The following PDE8B variants were observed in gnomAD, a reference collection of about 807,000 sequenced individuals.
PDE8B encodes phosphodiesterase 8B.
PDE8B carries 26 observed loss-of-function variants against 101.3 expected under a neutral mutation model. The observed-to-expected ratio is 0.26, with a 90% CI of 0.19 to 0.36. The LOEUF is 0.36. Among genes scored for constraint, PDE8B ranks in the 10% least tolerant of loss-of-function variants. The pLI, the probability that PDE8B is intolerant of heterozygous loss-of-function variation, is 1.00. For missense variants in PDE8B, 810 were observed against 1,163.1 expected, an observed-to-expected ratio of 0.70 and a Z score of 4.42; for synonymous variants, 424 against 429.3, an observed-to-expected ratio of 0.99 and a Z score of 0.15.
the PDE8B span, among the ~76,000 whole-genome samples, chr5:77,193,490 C>A: frequency 1.3e-5 from 2 of 152,114 alleles, no homozygotes; most frequent in Non-Finnish European, 1.5e-5. Flanking sequence ...ACCCTATATG[C>A]GTGGGTCTGT....
chr5:77,233,680 G>GTGTT (rs1174228136), intron 1 of PDE8B, among the ~76,000 whole-genome samples: 3 of 151,348 alleles, frequency 2.0e-5, no homozygotes, highest in African/African-American at 7.3e-5. Flanking sequence ...GTGTGTGTGT[G>GTGTT]TGTGTGTGTG....
At chr5:77,104,199 A>G in the PDE8B span, among the ~76,000 whole-genome samples, 1 of 152,182 alleles carries the variant, frequency 6.6e-6, no homozygotes. Flanking sequence ...TGTGGGGCCT[A>G]TCGCTCTTCC....
At chr5:77,111,187 T>C in the PDE8B span, among the ~76,000 whole-genome samples, 1 of 152,224 alleles carries the variant, frequency 6.6e-6, no homozygotes, top group Non-Finnish European at 1.5e-5. Flanking sequence ...CAGGTGAAGA[T>C]GACAGCTTAG....
Position 77,411,794 on chromosome 5 carries a change from G to A in PDE8B, c.1576+73G>A, listed in dbSNP as rs138801782. On this transcript the variant is annotated intron_variant, in intron 15 of 21. Coordinates refer to ENST00000264917, the MANE Select transcript of PDE8B (RefSeq NM_003719.5). ...TGCTGTCCCCGCTGTTGCGATTATT[G>A]TTCTGGGAGGTGTTACTTCCAGCTA... is the stretch of plus-strand genomic sequence containing the variant. 3.9e-4 allele frequency: 458 copies of A among 1,165,544 alleles called. 5 individuals are homozygous for A. In the African/African-American group the frequency reaches 6.4e-3, roughly 16 times the overall value. 72.2% of individuals were successfully genotyped at this position (1,165,544 alleles called of 1,614,324 possible). A position where few individuals can be genotyped will look rare whatever the true frequency, so the allele number is the denominator to read the frequency against.
At chr5:77,092,710 G>A in the PDE8B span, among the ~76,000 whole-genome samples, 1 of 152,038 alleles carries the variant, frequency 6.6e-6, no homozygotes, top group Non-Finnish European at 1.5e-5. Context: ...CTTGAGCCCA[G>A]GAGTTCGAGA....
At chr5:77,311,109 G>C (rs1772499097) in intron 1 of PDE8B, among the ~76,000 whole-genome samples, 1 of 151,378 alleles carries the variant, frequency 6.6e-6, no homozygotes, top group Non-Finnish European at 1.5e-5. Context: ...GTGGAATGCA[G>C]GATAAGCTTC....
At chr5:77,127,768 A>C in the PDE8B span, among the ~76,000 whole-genome samples, 1 of 152,120 alleles carries the variant, frequency 6.6e-6, no homozygotes, top group South Asian at 2.1e-4. Flanking sequence ...AAGGAGAAGA[A>C]GGCTGACTTT....
chr5:77,093,728 C>T, the PDE8B span, among the ~76,000 whole-genome samples: 8 of 152,080 alleles, frequency 5.3e-5, no homozygotes, highest in Admixed American at 5.2e-4. Flanking sequence ...GATGCATAAA[C>T]TTCATTATCA....
chr5:77,366,329 C>A (rs1249664884), intron 10 of PDE8B, among the ~76,000 whole-genome samples: 1 of 152,188 alleles, frequency 6.6e-6, no homozygotes, highest in Non-Finnish European at 1.5e-5. Flanking sequence ...ACTGGGCTCT[C>A]AGGAGATGCA....
rs1028023980 is a variant in PDE8B at position 77,332,190 on chromosome 5, A to G, written c.708+731A>G. Among the ~76,000 whole-genome samples, 4 of 152,228 alleles carry G rather than the reference A, an allele frequency of 2.6e-5. No individual in the cohort carries two copies. In the South Asian group the frequency reaches 8.3e-4, roughly 32 times the overall value. On this transcript the variant is annotated intron_variant, in intron 5 of 21. Coordinates refer to ENST00000264917, the MANE Select transcript of PDE8B (RefSeq NM_003719.5). ...CAAAACATGAATGTTTAAAAGAACT[A>G]TATTCCCTAATATTAAAAAGAAAAC...
At chr5:77,095,691 C>T in the PDE8B span, among the ~76,000 whole-genome samples, 3 of 152,194 alleles carry the variant, frequency 2.0e-5, no homozygotes, top group Admixed American at 2.0e-4. Context: ...TCATCTTCAA[C>T]ATTGTCTCAT....
chr5:77,091,427 GT>G, the PDE8B span, among the ~76,000 whole-genome samples: 1 of 152,168 alleles, frequency 6.6e-6, no homozygotes, highest in East Asian at 1.9e-4. Flanking sequence ...ATCACCTGAG[GT>G]CAGGAGTTCA....
chr5:77,349,591 C>T (rs747233071), intron 8 of PDE8B, 32 bp downstream of exon 8: 2 of 1,613,086 alleles, frequency 1.2e-6, no homozygotes, highest in South Asian at 2.2e-5. Flanking sequence ...AATCCACGAA[C>T]CCTCTCCCCA....
At chr5:77,323,828 G>A (rs112333185) in intron 2 of PDE8B, among the ~76,000 whole-genome samples, 5 of 151,958 alleles carry the variant, frequency 3.3e-5, no homozygotes, top group African/African-American at 1.2e-4. Flanking sequence ...GCATGGTGGC[G>A]GGCGCCTGTA....
intron 1 of PDE8B, among the ~76,000 whole-genome samples, chr5:77,255,604 C>G (rs1580609756): frequency 6.6e-6 from 1 of 152,340 alleles, no homozygotes; most frequent in East Asian, 1.9e-4. Flanking sequence ...TGGCTGAATT[C>G]TCAGCCACCT....
the PDE8B span, among the ~76,000 whole-genome samples, chr5:77,181,706 G>C: frequency 6.6e-6 from 1 of 152,138 alleles, no homozygotes; most frequent in Admixed American, 6.5e-5. Context: ...ATGGACGGTC[G>C]GTCGGGAGGT....
In PDE8B at chr5:77,356,678, C is replaced by T. The variant is rs1782163079; in HGVS notation, c.1167+3272C>T. On this transcript the variant is annotated intron_variant, in intron 10 of 21. Transcript: ENST00000264917. ...CTCCTGACCTCAGGTGATCCACCTG[C>T]CTCAGCCTCCCGAAGTGCTGGGATT... Among the ~76,000 whole-genome samples the T allele has an allele frequency of 3.9e-5, 6 of 152,200 alleles. No homozygotes were observed. In the South Asian group the frequency reaches 1.2e-3, roughly 32 times the overall value.
chr5:77,119,830 C>A, the PDE8B span, among the ~76,000 whole-genome samples: 4 of 151,768 alleles, frequency 2.6e-5, no homozygotes, highest in Non-Finnish European at 4.4e-5. Flanking sequence ...GGGAACATAG[C>A]AAGACCCTGT....
the PDE8B span, among the ~76,000 whole-genome samples, chr5:77,148,720 C>T: frequency 1.6e-4 from 24 of 152,216 alleles, no homozygotes; most frequent in African/African-American, 5.3e-4. Context: ...ATTTAAAAAT[C>T]GAGTTGTTTT....
Sources: allele counts gnomAD v4.1 joint callset (sites outside exome capture counted in the v4.1 genomes callset), GRCh38; gene constraint gnomAD v4.1.1; transcripts MANE v1.5; gene names NCBI Gene and HGNC (gene_info 2026-07-23, HGNC 2026-07-21).